Variants in DNAJC13 observed in about 807,000 individuals in gnomAD.
The protein encoded by DNAJC13 is DnaJ heat shock protein family (Hsp40) member C13.
DNAJC13 carries 75 observed loss-of-function variants against 290.5 expected under a neutral mutation model. The observed-to-expected ratio is 0.26, with a 90% CI of 0.21 to 0.31. The LOEUF (loss-of-function observed/expected upper bound fraction) is 0.31. Among genes scored for constraint, DNAJC13 ranks in the 10% least tolerant of loss-of-function variants. The pLI, the probability that DNAJC13 is intolerant of heterozygous loss-of-function variation, is 1.00. For missense variants in DNAJC13, 2,260 were observed against 2,674.5 expected (o/e 0.85, Z 3.42); for synonymous variants, 862 against 892.0 (o/e 0.97, Z 0.60).
chr3:132,494,854 A>C (rs946352926), intron 34 of DNAJC13, among the ~76,000 whole-genome samples: 1 of 152,120 alleles, frequency 6.6e-6, no homozygotes, highest in Non-Finnish European at 1.5e-5. Context: ...ACTCAAATAT[A>C]ATTTTATAAT....
At chr3:132,423,252 C>G (rs769785062) in intron 1 of DNAJC13, among the ~76,000 whole-genome samples, 1 of 152,158 alleles carries the variant, frequency 6.6e-6, no homozygotes, top group Admixed American at 6.5e-5. Context: ...GCGTTTCAGT[C>G]TGGGTGACAA....
chr3:132,502,229 G>A, intron 39 of DNAJC13, 60 bp from the exon 40 acceptor site: 1 of 1,212,302 alleles, frequency 8.2e-7, no homozygotes, highest in Non-Finnish European at 1.1e-6. Flanking sequence ...TTCCTCTTGG[G>A]AGCTTTTTTT....
At chr3:132,494,766 T>C (rs1559897041) in intron 34 of DNAJC13, among the ~76,000 whole-genome samples, 1 of 152,166 alleles carries the variant, frequency 6.6e-6, no homozygotes, top group Non-Finnish European at 1.5e-5. Context: ...TAACTTAGAA[T>C]TATAGAATTT....
chr3:132,487,790 G>C (rs1333441855), intron 29 of DNAJC13, among the ~76,000 whole-genome samples: 1 of 151,944 alleles, frequency 6.6e-6, no homozygotes, highest in Non-Finnish European at 1.5e-5. Context: ...CAAATTTCTA[G>C]AGGCCACATC....
At position 132,494,832 on chromosome 3, in the gene DNAJC13, G is replaced by A. The variant is rs996574831; in HGVS notation, c.3942-256G>A. On this transcript the variant is annotated intron_variant, in intron 34 of 55. Transcript: ENST00000260818. ...TAGTGGATTTTTAAAAATATATTTT[G>A]TAGTTCTTCCAACTCAAATATAATT... 6.6e-5 allele frequency among the ~76,000 whole-genome samples: 10 copies of A among 151,938 alleles called. 1 individual carries two copies. In the South Asian group the frequency reaches 2.1e-3, roughly 32 times the overall value.
chr3:132,480,274 G>A, intron 25 of DNAJC13, 95 bp from the exon 26 acceptor site: 2 of 672,010 alleles, frequency 3.0e-6, no homozygotes, highest in South Asian at 2.0e-5. Flanking sequence ...CGAGGACCTT[G>A]TAGGTGGTAG....
intron 43 of DNAJC13, among the ~76,000 whole-genome samples, chr3:132,510,750 AT>A (rs1225753898): frequency 6.6e-6 from 1 of 152,074 alleles, no homozygotes; most frequent in Non-Finnish European, 1.5e-5. Flanking sequence ...ATATAACTTA[AT>A]TATAAAAATA....
intron 35 of DNAJC13, among the ~76,000 whole-genome samples, chr3:132,495,479 C>T (rs1468468663): frequency 2.0e-5 from 3 of 152,216 alleles, no homozygotes; most frequent in Non-Finnish European, 2.9e-5. Context: ...GAGCTTAATT[C>T]ATTTGTAGGT....
At chr3:132,438,482 G>A (rs1229905419) in intron 2 of DNAJC13, among the ~76,000 whole-genome samples, 1 of 152,228 alleles carries the variant, frequency 6.6e-6, no homozygotes, top group South Asian at 2.1e-4. Context: ...ACATGTCTAC[G>A]TACAACAAAT....
chr3:132,423,260 CAAAGGAAGACCCTGTCTCTT>C (rs1559862273), intron 1 of DNAJC13, among the ~76,000 whole-genome samples: 1 of 152,098 alleles, frequency 6.6e-6, no homozygotes, highest in African/African-American at 2.4e-5. Flanking sequence ...GTCTGGGTGA[CAAAGGAAGACCCTGTCTCTT>C]AAAAAAAATT....
At chr3:132,447,671 TA>T (rs1168424664) in intron 4 of DNAJC13, among the ~76,000 whole-genome samples, 1 of 152,188 alleles carries the variant, frequency 6.6e-6, no homozygotes, top group East Asian at 1.9e-4. Flanking sequence ...GCAAGTTTAT[TA>T]GTTTTTTTTA....
At chr3:132,532,016 A>C (rs540332852) in intron 55 of DNAJC13, among the ~76,000 whole-genome samples, 1 of 152,228 alleles carries the variant, frequency 6.6e-6, no homozygotes, top group Non-Finnish European at 1.5e-5. Flanking sequence ...AGGCTTCAAC[A>C]TAAGTCAGAC....
chr3:132,523,924 T>C (rs984089732), intron 51 of DNAJC13: 2 of 486,136 alleles, frequency 4.1e-6, no homozygotes, highest in Admixed American at 3.7e-5. Context: ...ACCAAAGTTA[T>C]AGAGATATCT....
chr3:132,515,004 G>C (rs1278008819), intron 46 of DNAJC13, among the ~76,000 whole-genome samples: 1 of 152,114 alleles, frequency 6.6e-6, no homozygotes, highest in Non-Finnish European at 1.5e-5. Flanking sequence ...TAGAAAACAT[G>C]CTTAAGATAC....
intron 40 of DNAJC13, 125 bp from the exon 41 acceptor site, chr3:132,503,089 T>TAAG (rs1935472965): frequency 1.0e-6 from 1 of 971,916 alleles, no homozygotes; most frequent in Non-Finnish European, 1.5e-6. Context: ...GGTACTCTTG[T>TAAG]ACCCTTTTGT....
chr3:132,417,873 G>C (rs1255185766), intron 1 of DNAJC13, 113 bp downstream of exon 1: 4 of 153,032 alleles, frequency 2.6e-5, no homozygotes, highest in Non-Finnish European at 5.8e-5. Flanking sequence ...GGCTGCTGCA[G>C]CCTGCAGCTG....
At chr3:132,527,074 T>G (rs934719780) in intron 53 of DNAJC13, among the ~76,000 whole-genome samples, 1 of 152,218 alleles carries the variant, frequency 6.6e-6, no homozygotes, top group Non-Finnish European at 1.5e-5. Flanking sequence ...TATTTCAAAA[T>G]TGGTAAGAGT....
chr3:132,427,073 ATATGTG>A (rs781702054), intron 1 of DNAJC13, among the ~76,000 whole-genome samples: 2 of 114,640 alleles, frequency 1.7e-5, no homozygotes, highest in African/African-American at 4.3e-5. Context: ...TTATATATAC[ATATGTG>A]TGTGTGTGTG....
chr3:132,485,641 A>C (rs1934843938), intron 29 of DNAJC13, among the ~76,000 whole-genome samples: 1 of 152,228 alleles, frequency 6.6e-6, no homozygotes, highest in Non-Finnish European at 1.5e-5. Flanking sequence ...GTACACCAGC[A>C]GGCCACAGGG....
Sources: gnomAD v4.1 joint callset for allele counts (sites outside exome capture counted in the v4.1 genomes callset) on GRCh38, gnomAD v4.1.1 for gene constraint, MANE v1.5 for transcripts, NCBI Gene and HGNC (gene_info 2026-07-23, HGNC 2026-07-21) for gene names.